PLEC: variants seen among roughly 807,000 people sequenced by gnomAD.
PLEC encodes the protein plectin.
A neutral mutation model predicts 392.8 loss-of-function variants in PLEC; 216 were observed. The ratio of observed to expected loss-of-function variants is 0.55; its 90% CI spans 0.49 to 0.62. PLEC has a LOEUF of 0.62. PLEC is among the 20% of genes least tolerant of loss of function. The pLI is 0.00. For missense variants in PLEC, 6,863 were observed against 6,563.4 expected, an observed-to-expected ratio of 1.05 and a Z score of -1.58; for synonymous variants, 3,621 against 2,980.6, an observed-to-expected ratio of 1.21 and a Z score of -7.00.
Position 143,923,748 on chromosome 8 carries a change from T to A in PLEC, c.6181A>T (p.Lys2061Ter). The A allele has an allele frequency of 1.3e-6, 2 of 1,551,258 alleles. No individual in the cohort carries two copies. Among genetic ancestry groups the A allele is most frequent in the Non-Finnish European group, 1.7e-6 (2 of 1,155,398 alleles). The change falls in exon 31 of 32, where the codon AAG becomes TAG. Residue 2061 changes from lysine (K) to a stop codon, truncating the protein, a stop_gained. Transcript: ENST00000345136. LOFTEE classifies it high-confidence loss of function. ...AGCGTCTGCTGTAGCTCCTGCTCCT[T>A]CTGCTGCACCGCGAAGGCGTGTGCC... The part of the protein sequence containing the change: ...EKAHAFAVQQ[K>*]EQELQQTLQQ...
Position 143,927,019 on chromosome 8 carries a change from C to T in PLEC, c.3903G>A (p.Lys1301=). 6.2e-7 allele frequency: 1 copy of T among 1,613,104 alleles called. No individual in the cohort carries two copies. The highest frequency in any genetic ancestry group is 1.1e-5 in the South Asian group (1 of 91,090). The change falls in exon 29 of 32, where the codon AAG becomes AAA. Residue 1301 remains lysine, a synonymous_variant. Transcript: ENST00000345136. The part of the protein sequence containing the change: ...AQLEPVASPA[K]KPKVQSGSES... ...CTGATCCCGACTGGACCTTGGGCTT[C>T]TTGGCCGGGGAGGCCACCGGCTCAA...
upstream of PLEC, chr8:143,942,648 A>G: frequency 1.9e-6 from 2 of 1,042,298 alleles, no homozygotes; most frequent in Non-Finnish European, 2.6e-6. Flanking sequence ...CCCCCCCACA[A>G]TCCGCCCACT....
At position 143,935,326 on chromosome 8, in the gene PLEC, G is replaced by A. The variant is rs782333072; in HGVS notation, c.603-13C>T. ...GATGAGCAGGGGCCTGGGACAAGCA[G>A]GTGGCTGGTCAGGTGGGTGGGACAA... On this transcript the variant is annotated splice_polypyrimidine_tract_variant and intron_variant, in intron 6 of 31. Coordinates refer to ENST00000345136, the MANE Select transcript of PLEC (RefSeq NM_201384.3). 14 of 1,590,200 alleles carry A rather than the reference G, an allele frequency of 8.8e-6. No homozygotes were observed. Among genetic ancestry groups the A allele is most frequent in the Admixed American group, 6.7e-5 (4 of 59,568 alleles).
intron 1 of PLEC, among the ~76,000 whole-genome samples, chr8:143,967,390 GAAAC>G (rs1357015286): frequency 9.6e-6 from 1 of 104,326 alleles, no homozygotes; most frequent in South Asian, 3.2e-4. Context: ...AAAAAAAAAA[GAAAC>G]AGACAGAATT....
chr8:143,933,155 C>T (rs782788477), intron 13 of PLEC, 42 bp downstream of exon 13: 3 of 1,608,242 alleles, frequency 1.9e-6, no homozygotes, highest in Admixed American at 3.3e-5. Flanking sequence ...GGGCCTGGGG[C>T]CGTGTGTACC....
chr8:143,924,984 C>T lies in PLEC; in HGVS notation c.4945G>A (p.Glu1649Lys), dbSNP rs1338534343. 6.3e-7 allele frequency: 1 copy of T among 1,577,042 alleles called. No homozygotes were observed. The highest frequency in any genetic ancestry group is 1.3e-5 in the African/African-American group (1 of 74,324). Residue 1649 changes from glutamate (E) to lysine (K), a missense_variant, in exon 31 of 32, where the codon GAG becomes AAG. Physicochemically the swap from Glu to Lys is moderately conservative, Grantham distance 56. Coordinates refer to ENST00000345136, the MANE Select transcript of PLEC (RefSeq NM_201384.3). ...NEALRLRLQA[E>K]EVAQQKSLAQ... ...AGGCTCTTCTGCTGCGCCACCTCCT[C>T]CGCCTGCAGCCGCAGCCGTAGCGCC...
rs1825804001 is a variant in PLEC, at chr8:143,927,868, TG to T, written c.3384del (p.Lys1129ArgfsTer4). 6.3e-7 allele frequency: 1 copy of T among 1,590,650 alleles called. No homozygotes were observed. The highest frequency in any genetic ancestry group is 8.6e-7 in the Non-Finnish European group (1 of 1,169,148). ...VPATLPELEA[T>X]KASLKKLRAQ... ...CGAAACGATACCTTCAGAGAGGCCT[TG>T]GTGGCCTCGAGCTCCGGGAGGGTGG... is the stretch of plus-strand genomic sequence containing the variant. On this transcript the variant is annotated frameshift_variant, in exon 26 of 32. Coordinates refer to ENST00000345136, the MANE Select transcript of PLEC (RefSeq NM_201384.3). LOFTEE classifies it high-confidence loss of function.
chr8:143,971,733 C>T (rs1343651546), intron 1 of PLEC, among the ~76,000 whole-genome samples: 1 of 152,192 alleles, frequency 6.6e-6, no homozygotes, highest in Non-Finnish European at 1.5e-5. Context: ...GCCAGTGCCA[C>T]ACACATGCGG....
chr8:143,931,788 C>T, intron 18 of PLEC, 129 bp from the exon 19 acceptor site: 1 of 1,477,600 alleles, frequency 6.8e-7, no homozygotes, highest in African/African-American at 1.4e-5. Flanking sequence ...GCCTGGGGAG[C>T]ACCCCTGTCC....
In PLEC at chr8:143,918,499, G is replaced by A. The variant is rs781796150; in HGVS notation, c.11322C>T (p.Pro3774=). 6.2e-7 allele frequency: 1 copy of A among 1,603,832 alleles called. No homozygotes were observed. The highest frequency in any genetic ancestry group is 8.5e-7 in the Non-Finnish European group (1 of 1,176,530). ...AERAVTGYRD[P]YTEQTISLFQ... Reference sequence around the variant, plus strand: ...AGAGCGAGATGGTCTGCTCGGTGTAGGGGTCACGGTAGCCGGTGACCGCCC... The same window carrying A: ...AGAGCGAGATGGTCTGCTCGGTGTAAGGGTCACGGTAGCCGGTGACCGCCC... The change falls in exon 32 of 32, where the codon CCC becomes CCT. Residue 3774 remains proline (P), a synonymous_variant. Coordinates refer to ENST00000345136, the MANE Select transcript of PLEC (RefSeq NM_201384.3).
rs1173780836 is a variant in PLEC at position 143,925,070 on chromosome 8, G to C, written c.4859C>G (p.Ala1620Gly). The C allele has an allele frequency of 1.3e-6, 2 of 1,539,238 alleles. No homozygotes were observed. Among genetic ancestry groups the C allele is most frequent in the East Asian group, 2.4e-5 (1 of 41,060 alleles). The change falls in exon 31 of 32, where the codon GCC becomes GGC. Residue 1620 changes from alanine to glycine, a missense_variant. Coordinates refer to ENST00000345136, the MANE Select transcript of PLEC (RefSeq NM_201384.3). Reference protein sequence around the residue: ...AERRAQQQAEAERAREEAERE... With the variant: ...AERRAQQQAEGERAREEAERE... ...CTCTGCCTCCTCGCGCGCCCGCTCG[G>C]CCTCGGCCTGCTGCTGTGCCCGCCG...
chr8:143,975,462 A>C, upstream of PLEC: 1 of 1,132,518 alleles, frequency 8.8e-7, no homozygotes, highest in Non-Finnish European at 1.3e-6. This position sits in a 1 kb window ranked among gnomAD's most constrained non-coding sequence, Gnocchi z 9.9. Flanking sequence ...CTTAACCTAG[A>C]CACTGAACTC....
intron 25 of PLEC, 130 bp from the exon 26 acceptor site, chr8:143,928,122 C>A: frequency 2.6e-6 from 3 of 1,134,072 alleles, no homozygotes; most frequent in Non-Finnish European, 3.7e-6. Context: ...GTCAGCTGAC[C>A]CTGTGGTCAG....
chr8:143,937,267 C>A, intron 3 of PLEC, 25 bp from the exon 4 acceptor site: 1 of 1,578,824 alleles, frequency 6.3e-7, no homozygotes, highest in East Asian at 2.2e-5. Context: ...AGTCAGCACC[C>A]ACAGTGCAGC....
At position 143,973,185 on chromosome 8, in the gene PLEC, C is replaced by G. The variant is rs1383166997; in HGVS notation, c.70+218G>C. On this transcript the variant is annotated intron_variant, in intron 1 of 31. Coordinates refer to the PLEC transcript ENST00000356346. This position sits in a 1 kb window ranked among gnomAD's most constrained non-coding sequence, Gnocchi z 5.6. ...CGCGGCCCACCCCACCCACCCGAGC[C>G]GCGCGATGCCCTATTAAGGGCATGG... 6.6e-6 allele frequency among the ~76,000 whole-genome samples: 1 copy of G among 151,774 alleles called. No individual in the cohort carries two copies. The highest frequency in any genetic ancestry group is 1.5e-5 in the Non-Finnish European group (1 of 67,796).
chr8:143,923,068 G>C lies in PLEC; in HGVS notation c.6861C>G (p.Ala2287=). 6.2e-6 allele frequency: 10 copies of C among 1,609,208 alleles called. No individual in the cohort carries two copies. The highest frequency in any genetic ancestry group is 8.5e-6 in the Non-Finnish European group (10 of 1,179,600). ...AEEAARLSVA[A]QEAARLRQLA... is the part of the protein sequence containing the mutation. ...GCTGCCGCAGTCGCGCAGCCTCTTG[G>C]GCCGCCACACTCAGCCGCGCGGCCT... Residue 2287 remains alanine, a synonymous_variant, in exon 31 of 32, where the codon GCC becomes GCG. Transcript: ENST00000345136.
In PLEC at chr8:143,925,867, C is replaced by T. The variant is rs782342470; in HGVS notation, c.4062G>A (p.Gln1354=). ...MEEEERLAEQ[Q]RAEERERLAE... ...CCAGCCGCTCGCGCTCCTCTGCCCGCTGCTGCTCAGCCAGCCTCTGTGGCC... is the reference window on the plus strand; with the variant it reads ...CCAGCCGCTCGCGCTCCTCTGCCCGTTGCTGCTCAGCCAGCCTCTGTGGCC... Residue 1354 remains glutamine (Q), a synonymous_variant, in exon 31 of 32, where the codon CAG becomes CAA. Transcript: ENST00000345136. 1 of 1,547,126 alleles carries T rather than the reference C, an allele frequency of 6.5e-7. No individual in the cohort carries two copies. The highest frequency in any genetic ancestry group is 8.7e-7 in the Non-Finnish European group (1 of 1,152,914).
At position 143,921,097 on chromosome 8, in the gene PLEC, G is replaced by A. The variant is rs942494818; in HGVS notation, c.8724C>T (p.Ala2908=). 5 of 1,612,028 alleles carry A rather than the reference G, an allele frequency of 3.1e-6. No individual in the cohort carries two copies. The African/African-American group carries it at 5.3e-5, about 17-fold the overall frequency. The change falls in exon 32 of 32, where the codon GCC becomes GCT. Residue 2908 remains alanine, a synonymous_variant. Transcript: ENST00000345136. ...DSEARDVFEK[A]TVSAPFGKFQ... is the part of the protein sequence containing the mutation. Reference sequence around the variant, plus strand: ...ACTTGCCGAACGGCGCAGACACGGTGGCCTTCTCAAAGACGTCCCGGGCCT... The same window carrying A: ...ACTTGCCGAACGGCGCAGACACGGTAGCCTTCTCAAAGACGTCCCGGGCCT...
At chr8:143,947,972 C>T (rs1831695430) in intron 1 of PLEC, among the ~76,000 whole-genome samples, 1 of 152,206 alleles carries the variant, frequency 6.6e-6, no homozygotes. Context: ...GCTTCTGAAG[C>T]CACCTTCCCA....
Sources: gnomAD v4.1 joint callset for allele counts (sites outside exome capture counted in the v4.1 genomes callset) on GRCh38, gnomAD v4.1.1 for gene constraint, Gnocchi (gnomAD v3.1) non-coding constraint, MANE v1.5 for transcripts, NCBI Gene and HGNC (gene_info 2026-07-23, HGNC 2026-07-21) for gene names.